Variants in ZFPM2 observed in about 807,000 individuals in gnomAD.
ZFPM2 encodes the protein zinc finger protein ZFPM2.
ZFPM2 carries 20 observed loss-of-function variants against 98.6 expected under a neutral mutation model. The ratio of observed to expected loss-of-function variants is 0.20; its 90% CI spans 0.14 to 0.29. The LOEUF is 0.29. Among genes scored for constraint, ZFPM2 ranks in the 10% least tolerant of loss-of-function variants. The pLI is 1.00. For synonymous variants in ZFPM2, 518 were observed against 502.7 expected (o/e 1.03, Z -0.41); for missense variants, 1,310 against 1,388.6 (o/e 0.94, Z 0.90).
At position 105,319,094 on chromosome 8, in the gene ZFPM2, C is replaced by G. The variant is rs1470072626; in HGVS notation, c.40+113C>G. The G allele has an allele frequency of 4.0e-6, 5 of 1,255,822 alleles. No individual in the cohort carries two copies. In the Admixed American group the frequency reaches 1.3e-4, roughly 33 times the overall value. 77.8% of individuals were successfully genotyped at this position (1,255,822 alleles called of 1,614,324 possible). ...GGCTAGGGGAGATCCGCTCCCGGTC[C>G]CCTAGATGTCTCAAACTTTGCCTGA... On this transcript the variant is annotated intron_variant, in intron 1 of 7. Transcript: ENST00000407775.
intron 2 of ZFPM2, among the ~76,000 whole-genome samples, chr8:105,432,532 C>T (rs1223676060): frequency 6.6e-6 from 1 of 152,108 alleles, no homozygotes; most frequent in Non-Finnish European, 1.5e-5. Context: ...CTTAAATAAA[C>T]ACGGAGGCCG....
intron 1 of ZFPM2, among the ~76,000 whole-genome samples, chr8:105,404,863 A>T (rs1811410504): frequency 6.6e-6 from 1 of 152,070 alleles, no homozygotes; most frequent in South Asian, 2.1e-4. Context: ...CACTTATTAT[A>T]TAAGTAAAAA....
intron 3 of ZFPM2, among the ~76,000 whole-genome samples, chr8:105,510,360 C>T (rs1453658782): frequency 1.3e-5 from 2 of 150,318 alleles, no homozygotes; most frequent in Non-Finnish European, 3.0e-5. Context: ...CTATGTTCGT[C>T]GGGCTACTTA....
At chr8:105,606,568 A>G (rs779406927) in intron 4 of ZFPM2, among the ~76,000 whole-genome samples, 3 of 152,098 alleles carry the variant, frequency 2.0e-5, no homozygotes, top group Non-Finnish European at 4.4e-5. Flanking sequence ...AAAATAGGTT[A>G]TGTATGGAAA....
chr8:105,663,914 A>C (rs925011453), intron 5 of ZFPM2, among the ~76,000 whole-genome samples: 1 of 152,236 alleles, frequency 6.6e-6, no homozygotes, highest in Non-Finnish European at 1.5e-5. Context: ...ATTGGGAGTC[A>C]GTTTGTCTAA....
intron 5 of ZFPM2, among the ~76,000 whole-genome samples, chr8:105,730,052 T>C (rs1374539906): frequency 1.3e-5 from 2 of 151,592 alleles, no homozygotes; most frequent in African/African-American, 2.4e-5. Flanking sequence ...ATTTAAAATA[T>C]TAATTAAATG....
chr8:105,701,090 GAAAT>G (rs920316355), intron 5 of ZFPM2, among the ~76,000 whole-genome samples: 5 of 152,148 alleles, frequency 3.3e-5, no homozygotes, highest in African/African-American at 9.7e-5. Context: ...ATTGTGTAGA[GAAAT>G]AAAGTGTTTT....
intron 5 of ZFPM2, among the ~76,000 whole-genome samples, chr8:105,699,580 A>T (rs933503483): frequency 6.6e-6 from 1 of 152,062 alleles, no homozygotes; most frequent in African/African-American, 2.4e-5. Flanking sequence ...TTTTATAAAG[A>T]TTGGGTATTT....
intron 1 of ZFPM2, among the ~76,000 whole-genome samples, chr8:105,349,014 T>C (rs1461686065): frequency 2.0e-5 from 3 of 152,170 alleles, no homozygotes; most frequent in Non-Finnish European, 2.9e-5. Flanking sequence ...TTTATCTTCT[T>C]CAGTTCCAAA....
chr8:105,439,538 G>A (rs1812194554), intron 2 of ZFPM2, among the ~76,000 whole-genome samples: 1 of 152,178 alleles, frequency 6.6e-6, no homozygotes. Context: ...CCTGTGATGT[G>A]TGGGAAGCAC....
intron 5 of ZFPM2, among the ~76,000 whole-genome samples, chr8:105,649,848 TG>T (rs1817131307): frequency 6.6e-6 from 1 of 152,206 alleles, no homozygotes; most frequent in African/African-American, 2.4e-5. Context: ...TTCTCTTTTT[TG>T]GTTGTGTCTC....
At chr8:105,329,811 T>C (rs901549004) in intron 1 of ZFPM2, among the ~76,000 whole-genome samples, 1 of 151,730 alleles carries the variant, frequency 6.6e-6, no homozygotes, top group Non-Finnish European at 1.5e-5. Context: ...TACAGATCCA[T>C]AGTTAGTGAA....
chr8:105,793,003 G>A (rs766562258), intron 6 of ZFPM2, among the ~76,000 whole-genome samples: 15 of 152,266 alleles, frequency 9.9e-5, no homozygotes, highest in Non-Finnish European at 1.8e-4. Context: ...TGGGTTTCCT[G>A]AATACAACAC....
intron 4 of ZFPM2, among the ~76,000 whole-genome samples, chr8:105,601,856 G>A (rs1440129093): frequency 6.6e-6 from 1 of 152,086 alleles, no homozygotes; most frequent in African/African-American, 2.4e-5. Context: ...TCAGCTTAAA[G>A]AAAAGGATAA....
intron 3 of ZFPM2, among the ~76,000 whole-genome samples, chr8:105,455,107 T>C (rs1335103967): frequency 6.6e-6 from 1 of 152,170 alleles, no homozygotes; most frequent in Non-Finnish European, 1.5e-5. Flanking sequence ...TTGAAGCATT[T>C]TGGAATTTTG....
intron 5 of ZFPM2, among the ~76,000 whole-genome samples, chr8:105,684,110 C>T (rs539249044): frequency 6.6e-6 from 1 of 152,276 alleles, no homozygotes; most frequent in East Asian, 1.9e-4. Context: ...CTTATTTACA[C>T]TCAGGGAAGT....
rs554355625 is a variant in ZFPM2, at chr8:105,751,429, T to C, written c.533-37289T>C. Reference sequence around the variant, plus strand: ...TGTTACCGCATTAAACAATAACACATCCTTCCTGGGAAAACTAAAATGACA... The same window carrying C: ...TGTTACCGCATTAAACAATAACACACCCTTCCTGGGAAAACTAAAATGACA... On this transcript the variant is annotated intron_variant, in intron 5 of 7. Transcript: ENST00000407775. Among the ~76,000 whole-genome samples, 10 of 152,156 alleles carry C rather than the reference T, an allele frequency of 6.6e-5. No homozygotes were observed. The East Asian group carries it at 1.9e-3, about 30-fold the overall frequency.
At chr8:105,671,156 T>G (rs1389245073) in intron 5 of ZFPM2, among the ~76,000 whole-genome samples, 1 of 152,018 alleles carries the variant, frequency 6.6e-6, no homozygotes, top group Non-Finnish European at 1.5e-5. Flanking sequence ...TTAAAAATCT[T>G]GATACATATA....
intron 4 of ZFPM2, among the ~76,000 whole-genome samples, chr8:105,627,916 C>G (rs150330930): frequency 6.6e-6 from 1 of 152,326 alleles, no homozygotes; most frequent in Non-Finnish European, 1.5e-5. Flanking sequence ...CTATCACAAC[C>G]TTTCAGTTAG....
Sources: gnomAD v4.1 joint callset for allele counts (sites outside exome capture counted in the v4.1 genomes callset) on GRCh38, gnomAD v4.1.1 for gene constraint, MANE v1.5 for transcripts, NCBI Gene and HGNC (gene_info 2026-07-23, HGNC 2026-07-21) for gene names.